OR2T10: variants seen among roughly 807,000 people sequenced by gnomAD.
OR2T10 encodes the protein olfactory receptor family 2 subfamily T member 10.
For synonymous variants in OR2T10, 125 were observed against 141.8 expected (o/e 0.88, Z 0.84); for missense variants, 335 against 382.5 (o/e 0.88, Z 1.04).
intron 1 of OR2T10, among the ~76,000 whole-genome samples, chr1:248,596,128 A>C (rs1263424930): frequency 1.4e-5 from 2 of 143,970 alleles, no homozygotes; most frequent in Non-Finnish European, 3.0e-5. Context: ...GTCTCAAAGA[A>C]AAATCAGGAA....
At position 248,593,292 on chromosome 1, in the gene OR2T10, G is replaced by C; in HGVS notation, c.477C>G (p.Leu159=). The C allele has an allele frequency of 6.4e-7, 1 of 1,573,122 alleles. No individual in the cohort carries two copies. The highest frequency in any genetic ancestry group is 8.6e-7 in the Non-Finnish European group (1 of 1,156,688). ...AGGGGAAGCTCATGGCGATGGGAGTGAGCATGAAGCCATCCACTGAGCCCA... is the reference window on the plus strand; with the variant it reads ...AGGGGAAGCTCATGGCGATGGGAGTCAGCATGAAGCCATCCACTGAGCCCA... The part of the protein sequence containing the change: ...WFVGSVDGFM[L]TPIAMSFPFC... The change falls in exon 2 of 2, where the codon CTC becomes CTG. Residue 159 remains leucine, a synonymous_variant. Coordinates refer to ENST00000642090, the MANE Select transcript of OR2T10 (RefSeq NM_001004693.2).
In OR2T10 at chr1:248,593,644, T is replaced by G; in HGVS notation, c.125A>C (p.Asn42Thr). 6.4e-7 allele frequency: 1 copy of G among 1,560,746 alleles called. No homozygotes were observed. The highest frequency in any genetic ancestry group is 8.7e-7 in the Non-Finnish European group (1 of 1,148,530). ...GTGGATCAGAAGTATCAATGTAATA[T>G]TCCAAGACACAGCCATCAAAAATAT... The part of the protein sequence containing the change: ...FSIFLMAVSW[N>T]ITLILLIHID... Residue 42 changes from asparagine to threonine, a missense_variant, in exon 2 of 2, where the codon AAT becomes ACT. Coordinates refer to ENST00000642090, the MANE Select transcript of OR2T10 (RefSeq NM_001004693.2).
chr1:248,593,479 C>T lies in OR2T10; in HGVS notation c.290G>A (p.Cys97Tyr). The part of the protein sequence containing the change: ...AKDKTISVLG[C>Y]GTQMYFYLQL... ...CAGGTAGAAGTACATCTGGGTGCCA[C>T]ACCCAAGGACCGAGATGGTCTTGTC... The change falls in exon 2 of 2, where the codon TGT becomes TAT. Residue 97 changes from cysteine (C) to tyrosine (Y), a missense_variant. By Grantham distance (194) the Cys-to-Tyr change is radical. Coordinates refer to ENST00000642090, the MANE Select transcript of OR2T10 (RefSeq NM_001004693.2). The T allele has an allele frequency of 2.5e-6, 4 of 1,572,866 alleles. No individual in the cohort carries two copies. The highest frequency in any genetic ancestry group is 3.5e-6 in the Non-Finnish European group (4 of 1,156,944).
In OR2T10 at chr1:248,597,559, G is replaced by A. The variant is rs1398001411; in HGVS notation, c.-96C>T. ...CCAATAAGATACTTCCAGTATAGTC[G>A]TCCCGATGAATGACAGCCTTGTCAT... On this transcript the variant is annotated 5_prime_UTR_variant, in exon 1 of 2. It adds an upstream start codon to the 5' untranslated region. Transcript: ENST00000642090. 74 of 142,818 alleles carry A rather than the reference G, an allele frequency of 5.2e-4. 15 individuals carry two copies. Among genetic ancestry groups the A allele is most frequent in the African/African-American group, 1.9e-3 (70 of 36,206 alleles). The allele number at this position is 142,818 out of a possible 1,614,324, so 8.8% of individuals were successfully genotyped here.
chr1:248,595,228 G>A (rs28758220), intron 1 of OR2T10, among the ~76,000 whole-genome samples: 1 of 142,710 alleles, frequency 7.0e-6, no homozygotes, highest in African/African-American at 2.8e-5. Context: ...TCTACTTAAA[G>A]AAAATGCATA....
rs1403036193 is a variant in OR2T10 at position 248,591,517 on chromosome 1, T to C, written c.*1313A>G. The C allele has an allele frequency of 6.9e-6, 1 of 143,898 alleles. No individual in the cohort carries two copies. The highest frequency in any genetic ancestry group is 1.5e-5 in the Non-Finnish European group (1 of 66,364). The allele number at this position is 143,898 out of a possible 1,614,324, so 8.9% of individuals were successfully genotyped here. Reference sequence around the variant, plus strand: ...GAATGACTTGGGGCCTAAAGGAAGATTATGTAGTCATGGAAAGTTATCTTC... The same window carrying C: ...GAATGACTTGGGGCCTAAAGGAAGACTATGTAGTCATGGAAAGTTATCTTC... On this transcript the variant is annotated 3_prime_UTR_variant, in exon 2 of 2. Coordinates refer to ENST00000642090, the MANE Select transcript of OR2T10 (RefSeq NM_001004693.2).
In OR2T10 at chr1:248,592,884, C is replaced by T. The variant is rs752201735; in HGVS notation, c.885G>A (p.Lys295=). 25 of 1,568,040 alleles carry T rather than the reference C, an allele frequency of 1.6e-5. 5 individuals are homozygous for T. Among genetic ancestry groups the T allele is most frequent in the Non-Finnish European group, 2.2e-5 (25 of 1,153,394 alleles). The stretch of plus-strand genomic sequence containing the variant: ...TTTTTTTCAAAGCCCTTGTGACATC[C>T]TTATTCCTGAAACTGTAAATGATAG... The part of the protein sequence containing the change: ...LNPIIYSFRN[K]DVTRALKKML... Residue 295 remains lysine, a synonymous_variant, in exon 2 of 2, where the codon AAG becomes AAA. Transcript: ENST00000642090.
In OR2T10 at chr1:248,593,553, T is replaced by C. The variant is rs1660046922; in HGVS notation, c.216A>G (p.Thr72=). The C allele has an allele frequency of 1.9e-6, 3 of 1,568,356 alleles. 1 individual carries two copies. The highest frequency in any genetic ancestry group is 2.6e-6 in the Non-Finnish European group (3 of 1,153,428). Residue 72 remains threonine (T), a synonymous_variant, in exon 2 of 2, where the codon ACA becomes ACG. Coordinates refer to ENST00000642090, the MANE Select transcript of OR2T10 (RefSeq NM_001004693.2). ...FINQLSLIDL[T]YISVTVPKML... is the part of the protein sequence containing the mutation. ...TTTTGGGGACAGTGACAGAAATATA[T>C]GTCAAGTCTATGAGTGAGAGCTGGT...
chr1:248,596,300 TG>T (rs1186904537), intron 1 of OR2T10, among the ~76,000 whole-genome samples: 1 of 143,244 alleles, frequency 7.0e-6, no homozygotes, highest in African/African-American at 2.8e-5. Flanking sequence ...AGGATAAGAC[TG>T]GTGCCTGTCA....
Position 248,590,663 on chromosome 1 carries a change from T to G in OR2T10, c.*2167A>C, listed in dbSNP as rs1401878722. On this transcript the variant is annotated 3_prime_UTR_variant, in exon 2 of 2. Transcript: ENST00000642090. The stretch of plus-strand genomic sequence containing the variant: ...TTTGGCCCATCTGTTTCACGTCTCT[T>G]TTTCATTCTTTCGTTGCTTCTTTTA... The G allele has an allele frequency of 7.0e-6, 1 of 143,216 alleles. No individual in the cohort carries two copies. The highest frequency in any genetic ancestry group is 1.5e-5 in the Non-Finnish European group (1 of 66,278). 8.9% of individuals were successfully genotyped at this position (143,216 alleles called of 1,614,324 possible).
At position 248,596,175 on chromosome 1, in the gene OR2T10, G is replaced by A. The variant is rs150571239; in HGVS notation, c.-29+1317C>T. ...AGGGGTAAGGAAAAGTAGACTTAAC[G>A]GAATTTCCACAATTTATAGGAGATA... is the stretch of plus-strand genomic sequence containing the variant. On this transcript the variant is annotated intron_variant, in intron 1 of 1. Coordinates refer to ENST00000642090, the MANE Select transcript of OR2T10 (RefSeq NM_001004693.2). 1.5e-3 allele frequency among the ~76,000 whole-genome samples: 220 copies of A among 143,318 alleles called. 21 individuals are homozygous for A. Among genetic ancestry groups the A allele is most frequent in the South Asian group, 7.4e-3 (34 of 4,578 alleles). The allele number at this position is 143,318 out of a possible 152,430, so 94.0% of individuals were successfully genotyped here. A position where few individuals can be genotyped will look rare whatever the true frequency, so the allele number is the denominator to read the frequency against.
Position 248,590,668 on chromosome 1 carries a change from A to G in OR2T10, c.*2162T>C, listed in dbSNP as rs1361210801. The G allele has an allele frequency of 7.0e-6, 1 of 142,664 alleles. No individual in the cohort carries two copies. The highest frequency in any genetic ancestry group is 1.5e-5 in the Non-Finnish European group (1 of 66,114). The allele number at this position is 142,664 out of a possible 1,614,324, so 8.8% of individuals were successfully genotyped here. On this transcript the variant is annotated 3_prime_UTR_variant, in exon 2 of 2. Coordinates refer to ENST00000642090, the MANE Select transcript of OR2T10 (RefSeq NM_001004693.2). Reference sequence around the variant, plus strand: ...CCCATCTGTTTCACGTCTCTTTTTCATTCTTTCGTTGCTTCTTTTAGAAAT... The same window carrying G: ...CCCATCTGTTTCACGTCTCTTTTTCGTTCTTTCGTTGCTTCTTTTAGAAAT...
In OR2T10 at chr1:248,594,314, A is replaced by G. The variant is rs185662907; in HGVS notation, c.-28-518T>C. 5.8e-4 allele frequency among the ~76,000 whole-genome samples: 83 copies of G among 143,852 alleles called. 19 individuals are homozygous for G. Among genetic ancestry groups the G allele is most frequent in the African/African-American group, 2.1e-3 (78 of 36,656 alleles). 94.4% of individuals were successfully genotyped at this position (143,852 alleles called of 152,430 possible). ...AAAGCAATATATTAAGCCACCAGTA[A>G]TTGTAAACATTTTAAACATAAAATT... On this transcript the variant is annotated intron_variant, in intron 1 of 1. Coordinates refer to ENST00000642090, the MANE Select transcript of OR2T10 (RefSeq NM_001004693.2).
chr1:248,592,707 A>G lies in OR2T10; in HGVS notation c.*123T>C. The G allele has an allele frequency of 1.7e-6, 1 of 591,304 alleles. No homozygotes were observed. The highest frequency in any genetic ancestry group is 2.2e-5 in the South Asian group (1 of 45,422). 36.6% of individuals were successfully genotyped at this position (591,304 alleles called of 1,614,324 possible). On this transcript the variant is annotated 3_prime_UTR_variant, in exon 2 of 2. Transcript: ENST00000642090. ...ATAGGAGGGAAGAACACTGGGCTGA[A>G]TCCCCCTGAAGGACAACTCAGGGAG... is the stretch of plus-strand genomic sequence containing the variant.
In OR2T10 at chr1:248,592,923, T is replaced by G. The variant is rs1433040514; in HGVS notation, c.846A>C (p.Thr282=). The stretch of plus-strand genomic sequence containing the variant: ...TGTAAATGATAGGATTCAAGACAGG[T>G]GTAAGGATAGTGTAGAAAAAGGATG... The part of the protein sequence containing the change: ...MMSSFFYTIL[T]PVLNPIIYSF... The change falls in exon 2 of 2, where the codon ACA becomes ACC. Residue 282 remains threonine (T), a synonymous_variant. Transcript: ENST00000642090. The G allele has an allele frequency of 6.4e-7, 1 of 1,566,274 alleles. No individual in the cohort carries two copies. Among genetic ancestry groups the G allele is most frequent in the Non-Finnish European group, 8.7e-7 (1 of 1,150,678 alleles).
In OR2T10 at chr1:248,593,105, T is replaced by G; in HGVS notation, c.664A>C (p.Ile222Leu). Reference protein sequence around the residue: ...TVISVSYYYIILTIHKMNSVE... With the variant: ...TVISVSYYYILLTIHKMNSVE... ...GAGTTCATCTTATGGATGGTGAGGA[T>G]GATATAGTAGTAAGACACTGAAATG... The change falls in exon 2 of 2, where the codon ATC (isoleucine) becomes CTC (leucine). Residue 222 changes from isoleucine (I) to leucine (L), a missense_variant. Physicochemically the swap from Ile to Leu is conservative, Grantham distance 5. Transcript: ENST00000642090. 1 of 1,572,566 alleles carries G rather than the reference T, an allele frequency of 6.4e-7. No homozygotes were observed. The highest frequency in any genetic ancestry group is 2.3e-5 in the East Asian group (1 of 43,630).
At position 248,597,464 on chromosome 1, in the gene OR2T10, T is replaced by A. The variant is rs957597720; in HGVS notation, c.-29+28A>T. On this transcript the variant is annotated intron_variant, in intron 1 of 1. Transcript: ENST00000642090. ...CTATAATACATATATTATTAAAAGT[T>A]AATAACAATAAATTATTCCTTTCTT... is the stretch of plus-strand genomic sequence containing the variant. The A allele has an allele frequency of 2.1e-5, 3 of 143,148 alleles. 1 individual carries two copies. Among genetic ancestry groups the A allele is most frequent in the African/African-American group, 8.2e-5 (3 of 36,478 alleles). The allele number at this position is 143,148 out of a possible 1,614,324, so 8.9% of individuals were successfully genotyped here. A position where few individuals can be genotyped will look rare whatever the true frequency, so the allele number is the denominator to read the frequency against.
chr1:248,596,963 A>G (rs930367306), intron 1 of OR2T10, among the ~76,000 whole-genome samples: 1 of 143,112 alleles, frequency 7.0e-6, no homozygotes, highest in African/African-American at 2.8e-5. Context: ...AAAAAGGAGG[A>G]AAGGAAGGGA....
At chr1:248,595,433 GGT>G (rs1660076857) in intron 1 of OR2T10, among the ~76,000 whole-genome samples, 1 of 142,482 alleles carries the variant, frequency 7.0e-6, no homozygotes, top group Non-Finnish European at 1.5e-5. Flanking sequence ...TATTGCAATT[GGT>G]CATATTATTT....
Sources: gnomAD v4.1 joint callset for allele counts (sites outside exome capture counted in the v4.1 genomes callset) on GRCh38, gnomAD v4.1.1 for gene constraint, MANE v1.5 for transcripts, NCBI Gene and HGNC (gene_info 2026-07-23, HGNC 2026-07-21) for gene names.